ARL17B: variants seen among roughly 807,000 people sequenced by gnomAD.
ARL17B encodes the protein ADP-ribosylation factor-like protein 17.
Position 46,291,985 on chromosome 17 carries a change from A to AAAAAAAAAAAAAAAAAAAC in ARL17B, c.*21+7540_*21+7541insGTTTTTTTTTTTTTTTTTT, listed in dbSNP as rs1360524355. 1.6e-3 allele frequency among the ~76,000 whole-genome samples: 121 copies of AAAAAAAAAAAAAAAAAAAC among 76,572 alleles called. 5 individuals carry two copies. The highest frequency in any genetic ancestry group is 0.01 in the Middle Eastern group (1 of 96). 50.2% of individuals were successfully genotyped at this position (76,572 alleles called of 152,430 possible). A position where few individuals can be genotyped will look rare whatever the true frequency, so the allele number is the denominator to read the frequency against. ...CTCAAAAAGCAAAAAAAAAAAAAAAAAAGCCAATAAAATCAATGGTCTAAT... is the reference window on the plus strand; with the variant it reads ...CTCAAAAAGCAAAAAAAAAAAAAAAAAAAAAAAAAAAAAAAAAACAAGCCAATAAAATCAATGGTCTAAT... On this transcript the variant is annotated intron_variant, in intron 4 of 4. Coordinates refer to the ARL17B transcript ENST00000570618.
Position 46,338,322 on chromosome 17 carries a change from AG to A in ARL17B, c.*1177del, listed in dbSNP as rs1339834847. Reference sequence around the variant, plus strand: ...CAGAACCATCCGCATGTCAGACCCCAGGTGCAAGGCCAAGCATCACCTATGC... The same window carrying A: ...CAGAACCATCCGCATGTCAGACCCCAGTGCAAGGCCAAGCATCACCTATGC... On this transcript the variant is annotated 3_prime_UTR_variant, in exon 4 of 4. Coordinates refer to ENST00000450673, the MANE Select transcript of ARL17B (RefSeq NM_001039083.5). 6.0e-5 allele frequency among the ~76,000 whole-genome samples: 5 copies of A among 83,608 alleles called. No homozygotes were observed. In the Admixed American group the frequency reaches 6.0e-4, roughly 10 times the overall value. 54.9% of individuals were successfully genotyped at this position (83,608 alleles called of 152,430 possible).
intron 2 of ARL17B, among the ~76,000 whole-genome samples, chr17:46,357,059 C>G (rs2113729): frequency 0.89 from 40,890 of 46,056 alleles, 19,355 homozygotes; most frequent in South Asian, 1. Context: ...TGTAATTCCA[C>G]CTACTCAGGA....
At chr17:46,342,586 G>A (rs2052536003) in intron 3 of ARL17B, among the ~76,000 whole-genome samples, 1 of 48,560 alleles carries the variant, frequency 2.1e-5, no homozygotes, top group Non-Finnish European at 3.3e-5. Flanking sequence ...GAGGAAGGCT[G>A]TCTAGGGCAC....
chr17:46,333,038 C>T (rs1158421294), downstream of ARL17B, among the ~76,000 whole-genome samples: 1 of 135,382 alleles, frequency 7.4e-6, no homozygotes, highest in Non-Finnish European at 1.6e-5. Context: ...TCTCCACCCT[C>T]ACGGAGTTGT....
chr17:46,287,877 CA>C (rs1220480184), intron 4 of ARL17B, among the ~76,000 whole-genome samples: 1 of 152,178 alleles, frequency 6.6e-6, no homozygotes, highest in Non-Finnish European at 1.5e-5. Flanking sequence ...GACGTAATGA[CA>C]AAAGAAAAAG....
intron 4 of ARL17B, among the ~76,000 whole-genome samples, chr17:46,279,481 G>T (rs2049695603): frequency 6.7e-6 from 1 of 149,886 alleles, no homozygotes; most frequent in African/African-American, 2.5e-5. Context: ...ACCGCACCTG[G>T]CCTTTTTTTT....
chr17:46,278,222 A>G (rs1042032260), intron 4 of ARL17B, among the ~76,000 whole-genome samples: 1 of 151,968 alleles, frequency 6.6e-6, no homozygotes, highest in African/African-American at 2.4e-5. Context: ...CTGGGATTAC[A>G]GGCATAAGCC....
intron 4 of ARL17B, among the ~76,000 whole-genome samples, chr17:46,277,963 G>C (rs2049638930): frequency 6.6e-6 from 1 of 150,846 alleles, no homozygotes; most frequent in Non-Finnish European, 1.5e-5. Context: ...TTTTTCTTTT[G>C]AGATGGAGTC....
chr17:46,332,942 T>C (rs1252926686), downstream of ARL17B, among the ~76,000 whole-genome samples: 2 of 151,392 alleles, frequency 1.3e-5, no homozygotes, highest in African/African-American at 2.4e-5. Context: ...CCCAAAACTA[T>C]GTCAACAATT....
chr17:46,350,545 T>G, intron 3 of ARL17B, among the ~76,000 whole-genome samples: 1 of 70,492 alleles, frequency 1.4e-5, no homozygotes, highest in African/African-American at 4.2e-5. Context: ...AAATCCAGAA[T>G]GTGGAATAAG....
chr17:46,290,924 G>A (rs777800176), intron 4 of ARL17B, among the ~76,000 whole-genome samples: 8 of 152,202 alleles, frequency 5.3e-5, no homozygotes, highest in Admixed American at 3.3e-4. Context: ...CTCTTTTTCT[G>A]CAGGGTAACC....
chr17:46,276,790 C>A (rs151144848), intron 4 of ARL17B, among the ~76,000 whole-genome samples: 1 of 134,316 alleles, frequency 7.4e-6, no homozygotes, highest in African/African-American at 2.8e-5. Flanking sequence ...TTCTTTTTTT[C>A]TTTTTTTTTT....
intron 4 of ARL17B, among the ~76,000 whole-genome samples, chr17:46,285,450 C>T (rs1206030559): frequency 1.3e-5 from 2 of 152,030 alleles, no homozygotes; most frequent in Non-Finnish European, 2.9e-5. Context: ...CCATGTTGGC[C>T]AGTCTGGTCT....
chr17:46,327,823 CTCTT>C (rs2051827186), intron 3 of ARL17B, among the ~76,000 whole-genome samples: 1 of 10,920 alleles, frequency 9.2e-5, no homozygotes, highest in African/African-American at 1.4e-4. Flanking sequence ...AGAACTCCTC[CTCTT>C]TCTTTTTCAA....
intron 4 of ARL17B, among the ~76,000 whole-genome samples, chr17:46,277,617 G>A (rs1431916773): frequency 1.3e-5 from 2 of 149,364 alleles, no homozygotes; most frequent in South Asian, 4.2e-4. Context: ...CAGTTCTCTG[G>A]GTAGATTTCT....
At chr17:46,283,980 C>T (rs1250076922) in intron 4 of ARL17B, among the ~76,000 whole-genome samples, 1 of 152,370 alleles carries the variant, frequency 6.6e-6, no homozygotes, top group African/African-American at 2.4e-5. Flanking sequence ...TGGCTGCCCG[C>T]GTGTCCCACC....
intron 4 of ARL17B, among the ~76,000 whole-genome samples, chr17:46,287,338 C>T (rs2143421068): frequency 6.6e-6 from 1 of 152,394 alleles, no homozygotes; most frequent in African/African-American, 2.4e-5. Context: ...TTACACCTGT[C>T]AAACCTATTC....
At chr17:46,276,723 T>C (rs1276957784) in intron 4 of ARL17B, among the ~76,000 whole-genome samples, 1 of 152,154 alleles carries the variant, frequency 6.6e-6, no homozygotes, top group Non-Finnish European at 1.5e-5. Context: ...GCAATAGAAA[T>C]TCCCTAAAAA....
At chr17:46,290,478 AGATG>A (rs1242312560) in intron 4 of ARL17B, among the ~76,000 whole-genome samples, 1 of 152,180 alleles carries the variant, frequency 6.6e-6, no homozygotes, top group African/African-American at 2.4e-5. Context: ...TTTTGTTTCG[AGATG>A]GAGTCTCGCT....
Sources: gnomAD v4.1 joint callset for allele counts (sites outside exome capture counted in the v4.1 genomes callset) on GRCh38, gnomAD v4.1.1 for gene constraint, MANE v1.5 for transcripts, NCBI Gene and HGNC (gene_info 2026-07-23, HGNC 2026-07-21) for gene names.